Variants in ABCA8 observed in about 807,000 individuals in gnomAD.
ABCA8 encodes ATP binding cassette subfamily A member 8, also known as ABC-type organic anion transporter ABCA8.
ABCA8 carries 177 observed loss-of-function variants against 192.3 expected under a neutral mutation model. The observed-to-expected ratio is 0.92, with a 90% CI of 0.81 to 1.04. The LOEUF is 1.04. Ranked by LOEUF, ABCA8 falls within the 50% of genes least tolerant of loss-of-function variation. The pLI is 0.00. For synonymous variants in ABCA8, 642 were observed against 690.2 expected (o/e 0.93, Z 1.09); for missense variants, 1,915 against 1,904.8 (o/e 1.01, Z -0.10).
Position 68,906,957 on chromosome 17 carries a change from C to G in ABCA8, c.2278+783G>C, listed in dbSNP as rs116531662. On this transcript the variant is annotated intron_variant, in intron 18 of 39. Transcript: ENST00000586539. ...ATTACAGAAGTCCTGAGGCTTCCAT[C>G]TGGAGCTCCTGCTTGGGCAAAAGGA... 3.0e-3 allele frequency among the ~76,000 whole-genome samples: 462 copies of G among 152,206 alleles called. 5 individuals carry two copies. Among genetic ancestry groups the G allele is most frequent in the African/African-American group, 0.01 (436 of 41,542 alleles).
chr17:68,948,577 C>G (rs1211311735), intron 2 of ABCA8, among the ~76,000 whole-genome samples: 1 of 152,072 alleles, frequency 6.6e-6, no homozygotes, highest in Non-Finnish European at 1.5e-5. Flanking sequence ...TTTGTGTCCA[C>G]TTTTTGATGG....
chr17:68,895,834 T>C (rs1375739824), intron 21 of ABCA8, among the ~76,000 whole-genome samples: 1 of 152,044 alleles, frequency 6.6e-6, no homozygotes, highest in Non-Finnish European at 1.5e-5. Context: ...CTCCACCCAT[T>C]CCCTAATCCT....
intron 2 of ABCA8, 140 bp from the exon 3 acceptor site, chr17:68,942,179 G>A: frequency 1.6e-6 from 1 of 624,780 alleles, no homozygotes; most frequent in Non-Finnish European, 2.8e-6. Flanking sequence ...TCCCAAGTCA[G>A]CATTGTATTA....
chr17:68,952,702 A>G (rs1428367804), intron 1 of ABCA8, among the ~76,000 whole-genome samples: 1 of 152,140 alleles, frequency 6.6e-6, no homozygotes, highest in African/African-American at 2.4e-5. Flanking sequence ...AGGCTAGCTC[A>G]CTGTGAAAAT....
chr17:68,950,666 C>G (rs577413676), intron 1 of ABCA8, among the ~76,000 whole-genome samples: 1 of 151,868 alleles, frequency 6.6e-6, no homozygotes, highest in Non-Finnish European at 1.5e-5. Flanking sequence ...TTAATTTATC[C>G]TCTTACTTTT....
chr17:68,870,729 TCATC>T (rs1174069188), intron 37 of ABCA8, among the ~76,000 whole-genome samples: 2 of 152,206 alleles, frequency 1.3e-5, no homozygotes. Flanking sequence ...CACATTTACT[TCATC>T]CATTTATCTC....
intron 22 of ABCA8, 137 bp from the exon 23 acceptor site, chr17:68,894,447 T>C (rs559312806): frequency 5.3e-5 from 39 of 730,492 alleles, no homozygotes; most frequent in Non-Finnish European, 8.2e-5. Context: ...AGCCAAACAC[T>C]GTGTAAGTAA....
In ABCA8 at chr17:68,901,385, G is replaced by A. The variant is rs1027035730; in HGVS notation, c.2764+1328C>T. ...GTTATCACACGAAAAGATGCTCAACGTTACTGGCCATTAACAAAATACAAA... is the reference window on the plus strand; with the variant it reads ...GTTATCACACGAAAAGATGCTCAACATTACTGGCCATTAACAAAATACAAA... On this transcript the variant is annotated intron_variant, in intron 21 of 39. Transcript: ENST00000586539. Among the ~76,000 whole-genome samples the A allele has an allele frequency of 5.3e-5, 8 of 152,244 alleles. No individual in the cohort carries two copies. The East Asian group carries it at 5.8e-4, about 11-fold the overall frequency.
intron 25 of ABCA8, 34 bp from the exon 26 acceptor site, chr17:68,887,164 T>G: frequency 6.7e-7 from 1 of 1,487,656 alleles, no homozygotes; most frequent in Non-Finnish European, 9.2e-7. Flanking sequence ...CTTAGTTAAA[T>G]ACAAATGCAA....
At chr17:68,947,020 T>G (rs991425319) in intron 2 of ABCA8, among the ~76,000 whole-genome samples, 7 of 152,190 alleles carry the variant, frequency 4.6e-5, no homozygotes, top group Admixed American at 2.0e-4. Flanking sequence ...AGCCATTAAA[T>G]AATTTTTGTT....
At chr17:68,899,782 A>G (rs2066859982) in intron 21 of ABCA8, among the ~76,000 whole-genome samples, 1 of 152,150 alleles carries the variant, frequency 6.6e-6, no homozygotes, top group Non-Finnish European at 1.5e-5. Context: ...GGATGAATTT[A>G]GAATTCAACA....
chr17:68,887,742 A>T lies in ABCA8; in HGVS notation c.3145-236T>A, dbSNP rs113830727. Among the ~76,000 whole-genome samples, 1,162 of 151,676 alleles carry T rather than the reference A, an allele frequency of 7.7e-3. 17 individuals are homozygous for T. Among genetic ancestry groups the T allele is most frequent in the African/African-American group, 0.027 (1,109 of 41,310 alleles). ...ATATGTAAAAGAAGACCTTAGAATG[A>T]TCAAAGCATGAACACTGCAGCAAAC... On this transcript the variant is annotated intron_variant, in intron 24 of 39. Transcript: ENST00000586539.
intron 32 of ABCA8, chr17:68,877,997 C>T (rs537385330): frequency 3.0e-5 from 7 of 230,574 alleles, no homozygotes; most frequent in Middle Eastern, 1.4e-3. Flanking sequence ...GATTGAATTA[C>T]TATTTAACTT....
intron 35 of ABCA8, 53 bp from the exon 36 acceptor site, chr17:68,875,786 AAG>A (rs780085127): frequency 2.5e-5 from 40 of 1,570,410 alleles, no homozygotes; most frequent in Non-Finnish European, 3.3e-5. Flanking sequence ...ATTAATCAGA[AAG>A]AGATAGAGAA....
At position 68,918,088 on chromosome 17, in the gene ABCA8, A is replaced by T; in HGVS notation, c.2006T>A (p.Leu669His). 1 of 1,614,198 alleles carries T rather than the reference A, an allele frequency of 6.2e-7. No homozygotes were observed. Among genetic ancestry groups the T allele is most frequent in the Non-Finnish European group, 8.5e-7 (1 of 1,180,034 alleles). ...CTCATCCATGAACTGGGTACTGAAG[A>T]GGATCACGCGGTCTGTTTTGCGTTC... The part of the protein sequence containing the change: ...LKERKTDRVI[L>H]FSTQFMDEAD... The change falls in exon 16 of 40, where the codon CTC becomes CAC. Residue 669 changes from leucine to histidine, a missense_variant. Coordinates refer to ENST00000586539, the MANE Select transcript of ABCA8 (RefSeq NM_001288985.2).
intron 3 of ABCA8, among the ~76,000 whole-genome samples, chr17:68,941,563 A>C (rs1467182295): frequency 1.3e-5 from 2 of 152,178 alleles, no homozygotes; most frequent in East Asian, 3.8e-4. Flanking sequence ...AAAAGATCTC[A>C]AAGAGAAAAT....
chr17:68,952,688 C>T (rs536429448), intron 1 of ABCA8, among the ~76,000 whole-genome samples: 28 of 152,296 alleles, frequency 1.8e-4, no homozygotes, highest in African/African-American at 6.5e-4. Flanking sequence ...TTTGTCCTCT[C>T]TGTAGGCTAG....
Position 68,918,542 on chromosome 17 carries a change from T to A in ABCA8, c.1793A>T (p.Gln598Leu). 2 of 1,498,074 alleles carry A rather than the reference T, an allele frequency of 1.3e-6. No homozygotes were observed. The highest frequency in any genetic ancestry group is 1.8e-6 in the Non-Finnish European group (2 of 1,134,666). The allele number at this position is 1,498,074 out of a possible 1,614,324, so 92.8% of individuals were successfully genotyped here. ...CATTTCCAATTCCAGCAGAACCCTT[T>A]GTATCTAACCAAAAGACAGTATTTA... The part of the protein sequence containing the change: ...ILPQEVDKEI[Q>L]RVLLELEMKN... Residue 598 changes from glutamine to leucine, a missense_variant, in exon 15 of 40, where the codon CAA becomes CTA. Transcript: ENST00000586539.
chr17:68,885,679 C>T (rs2066440440), intron 26 of ABCA8, among the ~76,000 whole-genome samples: 1 of 151,954 alleles, frequency 6.6e-6, no homozygotes, highest in African/African-American at 2.4e-5. Context: ...TCCCGGATAG[C>T]TGGGACTACA....
Sources: allele counts gnomAD v4.1 joint callset (sites outside exome capture counted in the v4.1 genomes callset), GRCh38; gene constraint gnomAD v4.1.1; transcripts MANE v1.5; gene names NCBI Gene and HGNC (gene_info 2026-07-23, HGNC 2026-07-21).